The following MAGI2 variants were observed in gnomAD, a reference collection of about 807,000 sequenced individuals.
MAGI2 encodes the protein membrane-associated guanylate kinase, WW and PDZ domain-containing protein 2.
Under a neutral mutation model 133.3 loss-of-function variants are expected in MAGI2, and 35 were observed. The ratio of observed to expected loss-of-function variants is 0.26; its 90% CI spans 0.20 to 0.35. The LOEUF is 0.35. Among genes scored for constraint, MAGI2 ranks in the 10% least tolerant of loss-of-function variants. The pLI is 1.00. For missense variants in MAGI2, 1,636 were observed against 1,863.4 expected, an observed-to-expected ratio of 0.88 and a Z score of 2.25; for synonymous variants, 729 against 710.6, an observed-to-expected ratio of 1.03 and a Z score of -0.41.
intron 7 of MAGI2, chr7:78,353,060 A>G (rs1014744177): frequency 1.3e-5 from 2 of 152,218 alleles, no homozygotes; most frequent in African/African-American, 4.8e-5. Context: ...TCACTCCCAT[A>G]AAGTATCTCT....
intron 4 of MAGI2, among the ~76,000 whole-genome samples, chr7:78,520,363 C>G (rs1174756706): frequency 6.6e-6 from 1 of 151,950 alleles, no homozygotes; most frequent in African/African-American, 2.4e-5. Context: ...AATTCCAATA[C>G]TATGTTAGTT....
intron 2 of MAGI2, among the ~76,000 whole-genome samples, chr7:78,846,640 T>C (rs978850270): frequency 2.0e-5 from 3 of 151,988 alleles, no homozygotes; most frequent in African/African-American, 7.2e-5. Context: ...TTCATTCAGC[T>C]TATTTATCCT....
rs565654043 is a variant in MAGI2, at chr7:78,366,752, T to C, written c.1103+2404A>G. Among the ~76,000 whole-genome samples the C allele has an allele frequency of 6.6e-5, 10 of 152,298 alleles. No individual in the cohort carries two copies. The East Asian group carries it at 1.9e-3, about 29-fold the overall frequency. Reference sequence around the variant, plus strand: ...TATTGGGATAATATTCTACTTAACATTGTCTTTAAGTTTGAATTATCTGTT... The same window carrying C: ...TATTGGGATAATATTCTACTTAACACTGTCTTTAAGTTTGAATTATCTGTT... On this transcript the variant is annotated intron_variant, in intron 7 of 21. Transcript: ENST00000354212.
chr7:78,695,485 C>G (rs964490582), intron 2 of MAGI2, among the ~76,000 whole-genome samples: 1 of 152,138 alleles, frequency 6.6e-6, no homozygotes, highest in Non-Finnish European at 1.5e-5. Flanking sequence ...CAGTGGCAGC[C>G]TTCACATACC....
At chr7:78,316,679 G>C (rs1787439735) in intron 9 of MAGI2, among the ~76,000 whole-genome samples, 1 of 152,248 alleles carries the variant, frequency 6.6e-6, no homozygotes, top group South Asian at 2.1e-4. Flanking sequence ...TGGTAAACTT[G>C]GTTACAAACC....
chr7:78,852,095 T>A (rs957040577), intron 2 of MAGI2, among the ~76,000 whole-genome samples: 3 of 152,118 alleles, frequency 2.0e-5, no homozygotes, highest in Non-Finnish European at 4.4e-5. Flanking sequence ...AGATAAACTG[T>A]TTATATTATT....
At chr7:78,187,668 G>T (rs2150714272) in intron 12 of MAGI2, among the ~76,000 whole-genome samples, 1 of 152,226 alleles carries the variant, frequency 6.6e-6, no homozygotes, top group South Asian at 2.1e-4. Flanking sequence ...TAGCTTTCTG[G>T]CACAATTGTT....
chr7:78,702,961 A>G (rs1238708213), intron 2 of MAGI2, among the ~76,000 whole-genome samples: 2 of 152,052 alleles, frequency 1.3e-5, no homozygotes. Context: ...GAATCACCCA[A>G]GAAGAGTTTG....
At chr7:78,679,522 G>C (rs1176102145) in intron 2 of MAGI2, among the ~76,000 whole-genome samples, 2 of 131,770 alleles carry the variant, frequency 1.5e-5, no homozygotes, top group East Asian at 4.7e-4. Flanking sequence ...TATCCTAAAT[G>C]AGCACAGCTC....
chr7:78,965,839 C>A (rs1803262184), intron 2 of MAGI2, among the ~76,000 whole-genome samples: 1 of 152,018 alleles, frequency 6.6e-6, no homozygotes, highest in South Asian at 2.1e-4. Context: ...GGTATACTTA[C>A]CTGGAGATCA....
chr7:79,104,875 T>A (rs1231718647), intron 1 of MAGI2, among the ~76,000 whole-genome samples: 2 of 152,150 alleles, frequency 1.3e-5, no homozygotes, highest in East Asian at 3.9e-4. Flanking sequence ...TACCAGAAGC[T>A]CTCACGCCTG....
rs919009718 is a variant in MAGI2, at chr7:78,065,446, T to C, written c.3706+13501A>G. Reference sequence around the variant, plus strand: ...TCACTTATAAGGTCTGAGCTATACATATATTCCAGAACTCTAGAAATAATT... The same window carrying C: ...TCACTTATAAGGTCTGAGCTATACACATATTCCAGAACTCTAGAAATAATT... On this transcript the variant is annotated intron_variant, in intron 21 of 21. Transcript: ENST00000354212. 13 of 574,360 alleles carry C rather than the reference T, an allele frequency of 2.3e-5. No individual in the cohort carries two copies. The East Asian group carries it at 2.8e-4, about 13-fold the overall frequency. 35.6% of individuals were successfully genotyped at this position (574,360 alleles called of 1,614,324 possible).
intron 1 of MAGI2, among the ~76,000 whole-genome samples, chr7:79,165,675 C>T (rs555613642): frequency 6.6e-6 from 1 of 152,152 alleles, no homozygotes; most frequent in South Asian, 2.1e-4. Context: ...CACATATTTC[C>T]TGTAGTGTTT....
At chr7:79,163,815 C>G (rs892866795) in intron 1 of MAGI2, among the ~76,000 whole-genome samples, 2 of 151,966 alleles carry the variant, frequency 1.3e-5, no homozygotes, top group Non-Finnish European at 2.9e-5. Flanking sequence ...ACTATATTAG[C>G]ATTTTATATC....
At chr7:79,166,428 A>T (rs1166578789) in intron 1 of MAGI2, among the ~76,000 whole-genome samples, 1 of 152,106 alleles carries the variant, frequency 6.6e-6, no homozygotes, top group Non-Finnish European at 1.5e-5. Context: ...GTGGAGGAAG[A>T]TCCCAACGCC....
At chr7:78,868,038 A>G (rs1260143383) in intron 2 of MAGI2, among the ~76,000 whole-genome samples, 1 of 152,202 alleles carries the variant, frequency 6.6e-6, no homozygotes, top group Non-Finnish European at 1.5e-5. Flanking sequence ...AATGGAGAGC[A>G]ACTAAAATTC....
intron 1 of MAGI2, among the ~76,000 whole-genome samples, chr7:79,378,924 G>A (rs866787784): frequency 6.2e-5 from 3 of 48,230 alleles, no homozygotes; most frequent in Non-Finnish European, 1.1e-4. Flanking sequence ...ATATGTGTGT[G>A]TGTATATATA....
In MAGI2 at chr7:78,896,729, G is replaced by A. The variant is rs536306590; in HGVS notation, c.418+110361C>T. 1.2e-4 allele frequency among the ~76,000 whole-genome samples: 18 copies of A among 151,666 alleles called. No homozygotes were observed. The East Asian group carries it at 1.6e-3, about 13-fold the overall frequency. ...ACTACAGATGCGTGCCACTACGCCC[G>A]GCTACTGTTTTGTATTTTTAGTAGA... On this transcript the variant is annotated intron_variant, in intron 2 of 21. Transcript: ENST00000354212.
intron 6 of MAGI2, among the ~76,000 whole-genome samples, chr7:78,473,892 A>C (rs549631884): frequency 2.0e-5 from 3 of 152,154 alleles, no homozygotes; most frequent in African/African-American, 7.2e-5. Context: ...GAGTGAGGAC[A>C]AATCTTAAAC....
Sources: allele counts gnomAD v4.1 joint callset (sites outside exome capture counted in the v4.1 genomes callset), GRCh38; gene constraint gnomAD v4.1.1; transcripts MANE v1.5; gene names NCBI Gene and HGNC (gene_info 2026-07-23, HGNC 2026-07-21).